SCLT1: variants seen among roughly 807,000 people sequenced by gnomAD.
SCLT1 encodes sodium channel-associated protein 1.
A neutral mutation model predicts 112.8 loss-of-function variants in SCLT1; 78 were observed. The ratio of observed to expected loss-of-function variants is 0.69; its 90% confidence interval spans 0.58 to 0.83. The LOEUF is 0.83. Among genes scored for constraint, SCLT1 ranks in the 40% least tolerant of loss-of-function variants. The pLI, the probability that SCLT1 is intolerant of heterozygous loss-of-function variation, is 0.00. For missense variants in SCLT1, 747 were observed against 770.4 expected, an observed-to-expected ratio of 0.97 and a Z score of 0.36; for synonymous variants, 257 against 254.7, an observed-to-expected ratio of 1.01 and a Z score of -0.09.
intron 15 of SCLT1, among the ~76,000 whole-genome samples, chr4:128,946,862 G>C (rs1326592202): frequency 1.3e-5 from 2 of 152,152 alleles, no homozygotes; most frequent in Non-Finnish European, 2.9e-5. Context: ...CGGCAGTGGT[G>C]GTTGTACCTA....
downstream of SCLT1, among the ~76,000 whole-genome samples, chr4:128,880,831 AATC>A (rs1560795715): frequency 6.6e-6 from 1 of 152,162 alleles, no homozygotes; most frequent in African/African-American, 2.4e-5. Flanking sequence ...TATGTTTCGC[AATC>A]TTCTTGGGGT....
At chr4:128,991,629 G>A (rs959014951) in intron 9 of SCLT1, among the ~76,000 whole-genome samples, 4 of 151,572 alleles carry the variant, frequency 2.6e-5, no homozygotes, top group Middle Eastern at 3.2e-3. Flanking sequence ...CAACTCGAGA[G>A]GAAGAAAAAG....
intron 18 of SCLT1, among the ~76,000 whole-genome samples, chr4:128,910,398 T>C (rs318537): frequency 0.71 from 108,058 of 152,114 alleles, 38,516 homozygotes; most frequent in African/African-American, 0.76. Flanking sequence ...TCGATACTTT[T>C]GTGAGCTTTG....
At chr4:128,894,748 G>A (rs573118656) in intron 18 of SCLT1, among the ~76,000 whole-genome samples, 78 of 151,864 alleles carry the variant, frequency 5.1e-4, no homozygotes, top group South Asian at 2.3e-3. Context: ...GCGTGATCTC[G>A]GCTCACTGCA....
intron 20 of SCLT1, among the ~76,000 whole-genome samples, chr4:128,885,077 G>A (rs1732790055): frequency 6.6e-6 from 1 of 152,190 alleles, no homozygotes; most frequent in Non-Finnish European, 1.5e-5. Context: ...ACATATTCCA[G>A]ATGGATGAAA....
intron 18 of SCLT1, among the ~76,000 whole-genome samples, chr4:128,928,115 C>T (rs771045239): frequency 7.9e-5 from 12 of 151,958 alleles, no homozygotes; most frequent in Non-Finnish European, 1.8e-4. Flanking sequence ...TAAAAAAACA[C>T]TCCTACAAAA....
intron 2 of SCLT1, among the ~76,000 whole-genome samples, chr4:129,058,755 T>C (rs1163820333): frequency 1.3e-5 from 2 of 152,168 alleles, no homozygotes; most frequent in East Asian, 1.9e-4. Context: ...CTAATGTTTA[T>C]TGTTTTTCTG....
intron 5 of SCLT1, among the ~76,000 whole-genome samples, chr4:129,029,290 A>C (rs569976469): frequency 5.9e-5 from 9 of 152,216 alleles, no homozygotes; most frequent in African/African-American, 2.2e-4. Flanking sequence ...ATGTCCAACA[A>C]TGATAGACTG....
intron 15 of SCLT1, among the ~76,000 whole-genome samples, chr4:128,947,429 C>T (rs1170933111): frequency 6.6e-6 from 1 of 151,900 alleles, no homozygotes; most frequent in African/African-American, 2.4e-5. Flanking sequence ...TGGAATTGTA[C>T]ATTATGTTTT....
At chr4:129,036,557 T>G (rs146325792) in intron 5 of SCLT1, 2 of 151,646 alleles carry the variant, frequency 1.3e-5, no homozygotes, top group African/African-American at 4.8e-5. Context: ...AAATTTCCCA[T>G]GGGAAAAAAA....
intron 5 of SCLT1, among the ~76,000 whole-genome samples, chr4:129,022,063 G>GT (rs1159234239): frequency 6.6e-6 from 1 of 152,172 alleles, no homozygotes; most frequent in Non-Finnish European, 1.5e-5. Flanking sequence ...AGAGGGGCCT[G>GT]TTAGAAGAAA....
At chr4:128,892,578 T>C (rs147254998) in intron 18 of SCLT1, among the ~76,000 whole-genome samples, 2 of 152,368 alleles carry the variant, frequency 1.3e-5, no homozygotes, top group African/African-American at 4.8e-5. Context: ...AAGTATCCTA[T>C]AGTTGAGTGA....
intron 2 of SCLT1, among the ~76,000 whole-genome samples, chr4:129,055,000 T>G (rs1433718990): frequency 6.6e-6 from 1 of 152,222 alleles, no homozygotes; most frequent in East Asian, 1.9e-4. Flanking sequence ...TTAGCTTTTC[T>G]TCTAACAGTC....
At chr4:129,041,591 A>C (rs1747698976) in intron 4 of SCLT1, among the ~76,000 whole-genome samples, 2 of 152,306 alleles carry the variant, frequency 1.3e-5, no homozygotes, top group South Asian at 4.1e-4. Flanking sequence ...TAAATATTTA[A>C]GGGCCTACTA....
intron 18 of SCLT1, among the ~76,000 whole-genome samples, chr4:128,919,123 A>G (rs1261686151): frequency 6.6e-6 from 1 of 152,194 alleles, no homozygotes; most frequent in Non-Finnish European, 1.5e-5. Context: ...AACAGAATAT[A>G]CATTCTTCTC....
Position 128,957,056 on chromosome 4 carries a change from T to A in SCLT1, c.1116A>T (p.Val372=). 1 of 1,599,792 alleles carries A rather than the reference T, an allele frequency of 6.3e-7. No homozygotes were observed. The highest frequency in any genetic ancestry group is 8.5e-7 in the Non-Finnish European group (1 of 1,170,994). ...EKMKETVSRF[V]QDATIRTKKE... is the part of the protein sequence containing the mutation. ...TCTTGGTTCTTATGGTAGCATCTTGTACAAACCGAGAAACTGTCTCTTTCA... is the reference window on the plus strand; with the variant it reads ...TCTTGGTTCTTATGGTAGCATCTTGAACAAACCGAGAAACTGTCTCTTTCA... Residue 372 remains valine (V), a synonymous_variant, in exon 13 of 21, where the codon GTA becomes GTT. Transcript: ENST00000281142.
intron 18 of SCLT1, among the ~76,000 whole-genome samples, chr4:128,898,441 T>C (rs1187858653): frequency 6.6e-6 from 1 of 151,924 alleles, no homozygotes; most frequent in Non-Finnish European, 1.5e-5. Flanking sequence ...CATAACAAAA[T>C]GAAGGCAGAA....
intron 5 of SCLT1, among the ~76,000 whole-genome samples, chr4:129,027,254 A>G (rs1200064759): frequency 2.0e-5 from 3 of 152,170 alleles, no homozygotes; most frequent in African/African-American, 7.2e-5. Flanking sequence ...ACCAAAAAAG[A>G]GAATTTTAGA....
intron 18 of SCLT1, among the ~76,000 whole-genome samples, chr4:128,897,466 C>T (rs1475576181): frequency 7.4e-6 from 1 of 135,604 alleles, no homozygotes; most frequent in Admixed American, 7.7e-5. Flanking sequence ...TACAGACAAG[C>T]AAATGCTGAG....
Sources: gnomAD v4.1 joint callset for allele counts (sites outside exome capture counted in the v4.1 genomes callset) on GRCh38, gnomAD v4.1.1 for gene constraint, MANE v1.5 for transcripts, NCBI Gene and HGNC (gene_info 2026-07-23, HGNC 2026-07-21) for gene names.